The following POLI variants were observed in gnomAD, a reference collection of about 807,000 sequenced individuals.
POLI encodes the protein DNA polymerase iota.
Under a neutral mutation model 51.6 loss-of-function variants are expected in POLI, and 58 were observed. The observed-to-expected ratio is 1.12, with a 90% CI of 0.91 to 1.40. The LOEUF (loss-of-function observed/expected upper bound fraction) is 1.40, where lower values mean the gene tolerates loss of function less well. Ranked by LOEUF, POLI falls within the 40% of genes most tolerant of loss-of-function variation. The pLI, the probability that POLI is intolerant of heterozygous loss-of-function variation, is 0.00. For synonymous variants in POLI, 322 were observed against 299.7 expected, an observed-to-expected ratio of 1.07 and a Z score of -0.77; for missense variants, 921 against 871.3, an observed-to-expected ratio of 1.06 and a Z score of -0.72.
intron 1 of POLI, chr18:54,270,072 C>T (rs929697326): frequency 2.2e-5 from 22 of 991,346 alleles, no homozygotes; most frequent in Non-Finnish European, 2.6e-5. Flanking sequence ...AGGGATGGCT[C>T]AGAACCTAGG....
intron 8 of POLI, among the ~76,000 whole-genome samples, chr18:54,288,200 T>A (rs1408160214): frequency 6.6e-6 from 1 of 152,216 alleles, no homozygotes; most frequent in Non-Finnish European, 1.5e-5. Flanking sequence ...ATTTGTATTA[T>A]CAGTCTCTTT....
At position 54,297,756 on chromosome 18, in the gene POLI, T is replaced by G; in HGVS notation, c.*3289T>G. 1.0e-6 allele frequency: 1 copy of G among 967,854 alleles called. No individual in the cohort carries two copies. The highest frequency in any genetic ancestry group is 1.2e-6 in the Non-Finnish European group (1 of 813,922). The allele number at this position is 967,854 out of a possible 1,614,324, so 60.0% of individuals were successfully genotyped here. A position where few individuals can be genotyped will look rare whatever the true frequency, so the allele number is the denominator to read the frequency against. ...CTCTTTCCAAACAACACAAAGGTATTGAAATAACATTAATTCTAATTAAAT... is the reference window on the plus strand; with the variant it reads ...CTCTTTCCAAACAACACAAAGGTATGGAAATAACATTAATTCTAATTAAAT... On this transcript the variant is annotated 3_prime_UTR_variant, in exon 10 of 10. Coordinates refer to ENST00000579534, the MANE Select transcript of POLI (RefSeq NM_007195.3).
intron 3 of POLI, among the ~76,000 whole-genome samples, chr18:54,320,059 G>A (rs2088774496): frequency 6.6e-6 from 1 of 152,080 alleles, no homozygotes. Flanking sequence ...CACAAAATTA[G>A]GCATATTCTA....
At chr18:54,292,975 A>G (rs565727556) in intron 9 of POLI, among the ~76,000 whole-genome samples, 30 of 152,218 alleles carry the variant, frequency 2.0e-4, no homozygotes, top group African/African-American at 7.2e-4. Flanking sequence ...GTCAATAAAT[A>G]TAAGGGCCTG....
rs1008788575 is a variant in POLI at position 54,295,357 on chromosome 18, C to T, written c.*890C>T. 2.4e-5 allele frequency: 24 copies of T among 984,390 alleles called. No individual in the cohort carries two copies. The African/African-American group carries it at 3.1e-4, about 13-fold the overall frequency. The allele number at this position is 984,390 out of a possible 1,614,324, so 61.0% of individuals were successfully genotyped here. On this transcript the variant is annotated 3_prime_UTR_variant, in exon 10 of 10. Coordinates refer to ENST00000579534, the MANE Select transcript of POLI (RefSeq NM_007195.3). ...GACCATTACTAAATTGGTGGATGTC[C>T]TCTTTCTCCCATTGTTATTGCCTTC...
chr18:54,279,243 T>TTC (rs1464708366), intron 4 of POLI, among the ~76,000 whole-genome samples: 11 of 118,086 alleles, frequency 9.3e-5, no homozygotes, highest in Non-Finnish European at 1.5e-4. Flanking sequence ...TGTCTTTTCT[T>TTC]TTTTTTTTTT....
Position 54,277,684 on chromosome 18 carries a change from C to T in POLI, c.407-19C>T, listed in dbSNP as rs1393282395. The T allele has an allele frequency of 4.6e-6, 7 of 1,507,126 alleles. No homozygotes were observed. The highest frequency in any genetic ancestry group is 1.8e-5 in the Admixed American group (1 of 54,108). The allele number at this position is 1,507,126 out of a possible 1,614,324, so 93.4% of individuals were successfully genotyped here. On this transcript the variant is annotated intron_variant, in intron 3 of 9. Coordinates refer to ENST00000579534, the MANE Select transcript of POLI (RefSeq NM_007195.3). Reference sequence around the variant, plus strand: ...TATAACTTCATTTACATTTGTGCTCCAATATTATTTCAATTTAGAATTACT... The same window carrying T: ...TATAACTTCATTTACATTTGTGCTCTAATATTATTTCAATTTAGAATTACT...
intron 1 of POLI, chr18:54,269,975 G>T: frequency 8.9e-7 from 1 of 1,121,362 alleles, no homozygotes; most frequent in East Asian, 4.9e-5. Flanking sequence ...AACTGCAGAG[G>T]CTTCTGGGCC....
At chr18:54,302,087 G>C (rs1002813894), downstream of POLI, among the ~76,000 whole-genome samples, 2 of 152,182 alleles carry the variant, frequency 1.3e-5, no homozygotes, top group Non-Finnish European at 2.9e-5. Flanking sequence ...TTACATACAG[G>C]ATGATCTGGC....
intron 3 of POLI, among the ~76,000 whole-genome samples, chr18:54,318,521 T>G (rs1403336835): frequency 2.0e-5 from 3 of 152,194 alleles, no homozygotes; most frequent in Non-Finnish European, 4.4e-5. Context: ...ATTGCAAAGA[T>G]CTCATATTAG....
rs2144429538 is a variant in POLI, at chr18:54,271,448, A to G, written c.204A>G (p.Glu68=). ...TGGATTGCTTTTATGCACAAGTAGA[A>G]ATGATCTCAAATCCAGAGCTAAAAG... is the stretch of plus-strand genomic sequence containing the variant. The part of the protein sequence containing the change: ...VDLDCFYAQV[E]MISNPELKDK... The change falls in exon 2 of 10, where the codon GAA becomes GAG. Residue 68 remains glutamate, a synonymous_variant. Coordinates refer to ENST00000579534, the MANE Select transcript of POLI (RefSeq NM_007195.3). 3.1e-6 allele frequency: 5 copies of G among 1,608,884 alleles called. No individual in the cohort carries two copies. The highest frequency in any genetic ancestry group is 4.3e-6 in the Non-Finnish European group (5 of 1,175,942).
intron 3 of POLI, among the ~76,000 whole-genome samples, chr18:54,312,267 T>C (rs1198608052): frequency 6.6e-6 from 1 of 152,236 alleles, no homozygotes; most frequent in East Asian, 1.9e-4. Context: ...TCCATGTTGC[T>C]GCAAAGGACA....
intron 3 of POLI, among the ~76,000 whole-genome samples, chr18:54,314,019 C>T (rs191335625): frequency 6.6e-6 from 1 of 152,082 alleles, no homozygotes; most frequent in Non-Finnish European, 1.5e-5. Flanking sequence ...GCATCCTTGC[C>T]TTGTTCTGAT....
intron 4 of POLI, 142 bp downstream of exon 4, chr18:54,277,997 C>A: frequency 1.6e-6 from 1 of 612,720 alleles, no homozygotes; most frequent in Non-Finnish European, 2.8e-6. Flanking sequence ...CTGTCTAGGA[C>A]AGCTAAAATT....
chr18:54,290,390 A>G (rs1390566525), intron 8 of POLI, among the ~76,000 whole-genome samples: 1 of 152,232 alleles, frequency 6.6e-6, no homozygotes, highest in African/African-American at 2.4e-5. Flanking sequence ...GGGAGTGTAA[A>G]TTAGTTCAAC....
chr18:54,308,496 T>C (rs573466961), intron 3 of POLI, among the ~76,000 whole-genome samples: 15 of 152,346 alleles, frequency 9.8e-5, no homozygotes, highest in African/African-American at 2.6e-4. Context: ...CCGAGCTTTC[T>C]CTCTGGCTGC....
Position 54,287,391 on chromosome 18 carries a change from T to C in POLI, c.1178T>C (p.Val393Ala). 6.2e-7 allele frequency: 1 copy of C among 1,608,578 alleles called. No individual in the cohort carries two copies. The highest frequency in any genetic ancestry group is 1.3e-5 in the African/African-American group (1 of 74,946). Residue 393 changes from valine to alanine, a missense_variant, in exon 8 of 10, where the codon GTA becomes GCA. Transcript: ENST00000579534. The part of the protein sequence containing the change: ...ESRQCPIPSH[V>A]IQKLGTGNYD... ...CGTCAGTGCCCTATTCCTTCACATG[T>C]AATTCAGAAATTAGGGACAGGTATG...
At position 54,296,315 on chromosome 18, in the gene POLI, G is replaced by A. The variant is rs1218404755; in HGVS notation, c.*1848G>A. 1.0e-6 allele frequency: 1 copy of A among 984,636 alleles called. No homozygotes were observed. Among genetic ancestry groups the A allele is most frequent in the East Asian group, 1.1e-4 (1 of 8,824 alleles). The allele number at this position is 984,636 out of a possible 1,614,324, so 61.0% of individuals were successfully genotyped here. On this transcript the variant is annotated 3_prime_UTR_variant, in exon 10 of 10. Transcript: ENST00000579534. Reference sequence around the variant, plus strand: ...GTTAAAAATACATTTCATAGATTGAGAATGTACGGGCTATGTCACAGTTAC... The same window carrying A: ...GTTAAAAATACATTTCATAGATTGAAAATGTACGGGCTATGTCACAGTTAC...
chr18:54,271,436 T>C lies in POLI; in HGVS notation c.192T>C (p.Tyr64=). ...TACATGTGGATCTGGATTGCTTTTA[T>C]GCACAAGTAGAAATGATCTCAAATC... The part of the protein sequence containing the change: ...VIVHVDLDCF[Y]AQVEMISNPE... Residue 64 remains tyrosine (Y), a synonymous_variant, in exon 2 of 10, where the codon TAT becomes TAC. Transcript: ENST00000579534. 6.2e-7 allele frequency: 1 copy of C among 1,611,232 alleles called. No individual in the cohort carries two copies.
Sources: gnomAD v4.1 joint callset for allele counts (sites outside exome capture counted in the v4.1 genomes callset) on GRCh38, gnomAD v4.1.1 for gene constraint, MANE v1.5 for transcripts, NCBI Gene and HGNC (gene_info 2026-07-23, HGNC 2026-07-21) for gene names.